NALCN: variants seen among roughly 807,000 people sequenced by gnomAD.
The protein encoded by NALCN is sodium leak channel, non-selective.
A neutral mutation model predicts 225.3 loss-of-function variants in NALCN; 111 were observed. The ratio of observed to expected loss-of-function variants is 0.49; its 90% CI spans 0.42 to 0.58. The LOEUF is 0.58. Among genes scored for constraint, NALCN ranks in the 20% least tolerant of loss-of-function variants. The pLI, the probability that NALCN is intolerant of heterozygous loss-of-function variation, is 0.00. For synonymous variants in NALCN, 764 were observed against 769.0 expected (o/e 0.99, Z 0.11); for missense variants, 1,378 against 2,202.4 (o/e 0.63, Z 7.49).
chr13:101,162,705 G>T (rs372601297), intron 15 of NALCN, among the ~76,000 whole-genome samples: 92 of 152,338 alleles, frequency 6.0e-4, no homozygotes, highest in African/African-American at 2.1e-3. Flanking sequence ...CTGCGAGGTT[G>T]CTCTTCCTTA....
intron 1 of NALCN, 45 bp from the exon 2 acceptor site, chr13:101,399,210 C>A: frequency 1.3e-6 from 2 of 1,504,666 alleles, no homozygotes; most frequent in African/African-American, 1.4e-5. Context: ...CCATCTTGCC[C>A]TCATCAAAAA....
chr13:101,203,931 T>TA (rs913642446), intron 13 of NALCN, among the ~76,000 whole-genome samples: 2 of 152,240 alleles, frequency 1.3e-5, no homozygotes, highest in Non-Finnish European at 2.9e-5. Flanking sequence ...GAATCAACAG[T>TA]AAAAATTGCA....
chr13:101,277,159 G>A (rs1462195068), intron 10 of NALCN, among the ~76,000 whole-genome samples: 2 of 151,858 alleles, frequency 1.3e-5, no homozygotes, highest in Non-Finnish European at 2.9e-5. Flanking sequence ...ATTTAATAAT[G>A]GTGAGGAAAA....
chr13:101,160,317 G>T (rs147066219), intron 15 of NALCN, among the ~76,000 whole-genome samples: 1 of 151,972 alleles, frequency 6.6e-6, no homozygotes, highest in Non-Finnish European at 1.5e-5. Context: ...CTTCTTTTTC[G>T]CTTTGTCTGT....
intron 11 of NALCN, among the ~76,000 whole-genome samples, chr13:101,257,127 T>G (rs2042258558): frequency 6.6e-6 from 1 of 152,088 alleles, no homozygotes; most frequent in South Asian, 2.1e-4. Flanking sequence ...TTATACCTAT[T>G]TTTCAGAGGC....
chr13:101,371,390 C>T (rs1426089747), intron 6 of NALCN, among the ~76,000 whole-genome samples: 1 of 152,134 alleles, frequency 6.6e-6, no homozygotes, highest in African/African-American at 2.4e-5. Context: ...GCAATCATAG[C>T]TCACTCTAGT....
intron 7 of NALCN, among the ~76,000 whole-genome samples, chr13:101,339,197 G>A (rs2045479793): frequency 6.6e-6 from 1 of 152,210 alleles, no homozygotes; most frequent in Non-Finnish European, 1.5e-5. Context: ...CACTTCGACA[G>A]TGTGGCTTTT....
intron 1 of NALCN, among the ~76,000 whole-genome samples, chr13:101,406,172 A>G (rs1237506582): frequency 1.3e-5 from 2 of 149,430 alleles, no homozygotes; most frequent in Non-Finnish European, 3.0e-5. Flanking sequence ...AAAAAATACA[A>G]AAAATTAGCT....
intron 15 of NALCN, among the ~76,000 whole-genome samples, chr13:101,158,832 A>G (rs2038030784): frequency 1.3e-5 from 2 of 152,214 alleles, no homozygotes; most frequent in Admixed American, 1.3e-4. Flanking sequence ...CTCTCTCCGT[A>G]AACACTGCTA....
chr13:101,188,593 CACACATATATATACATATAT>C (rs1396822499), intron 14 of NALCN, among the ~76,000 whole-genome samples: 3 of 151,320 alleles, frequency 2.0e-5, no homozygotes, highest in Admixed American at 6.6e-5. Flanking sequence ...CATATATACA[CACACATATATATACATATAT>C]ACACACATAT....
intron 13 of NALCN, among the ~76,000 whole-genome samples, chr13:101,210,575 T>C (rs2040486705): frequency 6.6e-6 from 1 of 152,226 alleles, no homozygotes; most frequent in Non-Finnish European, 1.5e-5. Flanking sequence ...TGATTAAAAA[T>C]AATCTCCTAA....
Position 101,392,022 on chromosome 13 carries a change from T to C in NALCN, c.291+3161A>G, listed in dbSNP as rs201547514. On this transcript the variant is annotated intron_variant, in intron 3 of 43. Transcript: ENST00000251127. Reference sequence around the variant, plus strand: ...ACAAAAACAAAAAAAAAACAAAAAATAAAAAATAAAAATAAAAATAAAACA... The same window carrying C: ...ACAAAAACAAAAAAAAAACAAAAAACAAAAAATAAAAATAAAAATAAAACA... Among the ~76,000 whole-genome samples, 292 of 144,060 alleles carry C rather than the reference T, an allele frequency of 2.0e-3. 2 individuals carry two copies. The highest frequency in any genetic ancestry group is 7.4e-3 in the African/African-American group (285 of 38,772). 94.5% of individuals were successfully genotyped at this position (144,060 alleles called of 152,430 possible). A position where few individuals can be genotyped will look rare whatever the true frequency, so the allele number is the denominator to read the frequency against.
At chr13:101,129,504 C>T (rs2036407586) in intron 17 of NALCN, among the ~76,000 whole-genome samples, 1 of 152,118 alleles carries the variant, frequency 6.6e-6, no homozygotes, top group Non-Finnish European at 1.5e-5. Context: ...CCTAGTATGA[C>T]AAGATGCTCC....
chr13:101,242,461 C>G lies in NALCN; in HGVS notation c.1267-4539G>C, dbSNP rs1365471478. On this transcript the variant is annotated intron_variant, in intron 11 of 43. Coordinates refer to ENST00000251127, the MANE Select transcript of NALCN (RefSeq NM_052867.4). The stretch of plus-strand genomic sequence containing the variant: ...AACTAAATTGCTGGCTCACTCATCC[C>G]TCCACCCCACACATCTGCAAACTTC... 1.9e-5 allele frequency among the ~76,000 whole-genome samples: 2 copies of G among 105,496 alleles called. 1 individual carries two copies. Among genetic ancestry groups the G allele is most frequent in the Non-Finnish European group, 4.2e-5 (2 of 47,332 alleles). 69.2% of individuals were successfully genotyped at this position (105,496 alleles called of 152,430 possible).
Position 101,317,648 on chromosome 13 carries a change from T to C in NALCN, c.800-25282A>G, listed in dbSNP as rs560878212. 3.3e-5 allele frequency among the ~76,000 whole-genome samples: 5 copies of C among 152,294 alleles called. No individual in the cohort carries two copies. In the East Asian group the frequency reaches 9.7e-4, roughly 29 times the overall value. ...ATTAAACTACTCCTTTAGCGACTCC[T>C]GTGATTTTGTGGTTTCTCAAACATG... On this transcript the variant is annotated intron_variant, in intron 7 of 43. Coordinates refer to ENST00000251127, the MANE Select transcript of NALCN (RefSeq NM_052867.4).
chr13:101,124,268 C>A (rs939883600), intron 18 of NALCN, among the ~76,000 whole-genome samples: 2 of 151,990 alleles, frequency 1.3e-5, no homozygotes, highest in Admixed American at 1.3e-4. Context: ...ACCCTTTTAC[C>A]ATTTATCCTT....
At chr13:101,143,285 T>C (rs879692971) in intron 16 of NALCN, 64 bp from the exon 17 acceptor site, 84 of 1,492,444 alleles carry the variant, frequency 5.6e-5, no homozygotes, top group Non-Finnish European at 7.0e-5. Context: ...GACAGCATTT[T>C]GCAATGATGA....
intron 7 of NALCN, among the ~76,000 whole-genome samples, chr13:101,314,081 T>A (rs962961284): frequency 1.4e-5 from 2 of 145,456 alleles, no homozygotes; most frequent in African/African-American, 5.1e-5. Context: ...AAACACCGCA[T>A]GTTCTCACTC....
intron 13 of NALCN, among the ~76,000 whole-genome samples, chr13:101,209,024 C>T (rs539867847): frequency 1.8e-4 from 28 of 152,264 alleles, no homozygotes; most frequent in African/African-American, 6.5e-4. Context: ...TTATTGTAGC[C>T]TTATATGTTT....
Sources: allele counts gnomAD v4.1 joint callset (sites outside exome capture counted in the v4.1 genomes callset), GRCh38; gene constraint gnomAD v4.1.1; transcripts MANE v1.5; gene names NCBI Gene and HGNC (gene_info 2026-07-23, HGNC 2026-07-21).